The following MICAL2 variants were observed in gnomAD, a reference collection of about 807,000 sequenced individuals.
The protein encoded by MICAL2 is microtubule associated monooxygenase, calponin and LIM domain containing 2, also known as [F-actin]-monooxygenase MICAL2.
In MICAL2, 77 loss-of-function variants were observed where a neutral mutation model predicts 127.3. That is an observed-to-expected ratio of 0.60 (90% confidence interval 0.50 to 0.73). The LOEUF is 0.73. Among genes scored for constraint, MICAL2 ranks in the 30% least tolerant of loss-of-function variants. The pLI is 0.00. For synonymous variants in MICAL2, 570 were observed against 551.1 expected, an observed-to-expected ratio of 1.03 and a Z score of -0.48; for missense variants, 1,351 against 1,434.4, an observed-to-expected ratio of 0.94 and a Z score of 0.94.
intron 3 of MICAL2, among the ~76,000 whole-genome samples, chr11:12,185,745 C>T (rs1487058516): frequency 1.3e-5 from 2 of 152,102 alleles, no homozygotes; most frequent in African/African-American, 2.4e-5. Context: ...GCAATAAAGA[C>T]GTCCAAACCC....
At chr11:12,309,123 A>G (rs970652613) in intron 29 of MICAL2, among the ~76,000 whole-genome samples, 1 of 152,138 alleles carries the variant, frequency 6.6e-6, no homozygotes, top group Non-Finnish European at 1.5e-5. Context: ...GTAATGTGTC[A>G]TGATCAATCA....
At chr11:12,220,680 C>T (rs535854838) in intron 9 of MICAL2, among the ~76,000 whole-genome samples, 8 of 152,210 alleles carry the variant, frequency 5.3e-5, no homozygotes, top group Admixed American at 2.0e-4. Flanking sequence ...TCTCCTATCT[C>T]CTGGCTCTTT....
intron 1 of MICAL2, among the ~76,000 whole-genome samples, chr11:12,114,759 G>A (rs181421650): frequency 4.6e-5 from 7 of 152,318 alleles, no homozygotes; most frequent in South Asian, 4.1e-4. Context: ...TTGCTTACGT[G>A]TGGACGTTTC....
intron 32 of MICAL2, among the ~76,000 whole-genome samples, chr11:12,342,636 T>C (rs1938885227): frequency 6.6e-6 from 1 of 152,250 alleles, no homozygotes; most frequent in African/African-American, 2.4e-5. Context: ...GTGTTTACTA[T>C]GTGCCAAGCA....
chr11:12,155,321 CACGCACATATACACAT>C (rs1210837868), intron 2 of MICAL2, among the ~76,000 whole-genome samples: 3 of 152,150 alleles, frequency 2.0e-5, no homozygotes, highest in African/African-American at 7.2e-5. Context: ...CATACACACA[CACGCACATATACACAT>C]ACATGTACAT....
At chr11:12,147,071 G>A (rs890641831) in intron 2 of MICAL2, among the ~76,000 whole-genome samples, 40 of 151,940 alleles carry the variant, frequency 2.6e-4, no homozygotes, top group African/African-American at 6.8e-4. Context: ...GGGGTGGGGG[G>A]AGCAGGGAAG....
At chr11:12,345,758 A>G (rs1048168226) in intron 32 of MICAL2, among the ~76,000 whole-genome samples, 4 of 152,228 alleles carry the variant, frequency 2.6e-5, no homozygotes, top group Non-Finnish European at 4.4e-5. Flanking sequence ...AGATGCTGCT[A>G]AAAAGACTTC....
chr11:12,213,813 G>A (rs1442495177), intron 7 of MICAL2, among the ~76,000 whole-genome samples: 1 of 152,198 alleles, frequency 6.6e-6, no homozygotes, highest in East Asian at 1.9e-4. Context: ...GGAATGCTAA[G>A]GAGGGAGCCA....
At chr11:12,272,994 G>A (rs1863689062), upstream of MICAL2, among the ~76,000 whole-genome samples, 2 of 152,220 alleles carry the variant, frequency 1.3e-5, no homozygotes, top group Non-Finnish European at 2.9e-5. Context: ...CAGCAGGAAG[G>A]ACTGCAAAGT....
At chr11:12,155,760 T>C (rs1854120268) in intron 2 of MICAL2, among the ~76,000 whole-genome samples, 1 of 152,244 alleles carries the variant, frequency 6.6e-6, no homozygotes, top group Non-Finnish European at 1.5e-5. Context: ...TGAGGATTCC[T>C]TAGGTTAACA....
chr11:12,253,980 C>T (rs1317234320), intron 22 of MICAL2: 5 of 152,350 alleles, frequency 3.3e-5, no homozygotes, highest in Admixed American at 1.3e-4. Context: ...CCTTTAATCA[C>T]AGGGTTGGTT....
At chr11:12,280,577 A>C (rs538169735) in intron 1 of MICAL2, among the ~76,000 whole-genome samples, 4 of 152,156 alleles carry the variant, frequency 2.6e-5, no homozygotes, top group Non-Finnish European at 4.4e-5. Flanking sequence ...TCCTGTTTGC[A>C]TAGTGTTTTC....
chr11:12,221,842 C>A, intron 10 of MICAL2, 83 bp downstream of exon 10: 1 of 1,004,418 alleles, frequency 1.0e-6, no homozygotes, highest in Non-Finnish European at 1.5e-6. Flanking sequence ...CAGGTGACTG[C>A]TGGATATACC....
intron 1 of MICAL2, among the ~76,000 whole-genome samples, chr11:12,111,644 G>A (rs970458880): frequency 7.9e-5 from 12 of 152,242 alleles, no homozygotes; most frequent in Admixed American, 5.9e-4. Flanking sequence ...AAGCCTGTAG[G>A]GCCCCGCCAG....
intron 32 of MICAL2, chr11:12,349,785 T>A: frequency 6.4e-7 from 1 of 1,567,950 alleles, no homozygotes; most frequent in Non-Finnish European, 8.8e-7. Context: ...AGCAGTTTGA[T>A]CATGGGGAGA....
intron 11 of MICAL2, 108 bp from the exon 12 acceptor site, chr11:12,223,303 A>T: frequency 1.1e-6 from 1 of 922,846 alleles, no homozygotes; most frequent in Non-Finnish European, 1.7e-6. Context: ...TCCCAGCAGT[A>T]GAGGAAAATG....
downstream of MICAL2, among the ~76,000 whole-genome samples, chr11:12,290,852 G>A (rs531023328): frequency 2.0e-3 from 308 of 152,308 alleles, 1 homozygote; most frequent in African/African-American, 7.1e-3. Flanking sequence ...TATCGAGAAC[G>A]GTGTGGCCTC....
chr11:12,244,186 CACAA>C, intron 21 of MICAL2, 74 bp downstream of exon 21: 3 of 1,566,138 alleles, frequency 1.9e-6, no homozygotes, highest in Non-Finnish European at 2.6e-6. Flanking sequence ...ACTTGACCTG[CACAA>C]ACATCTTGAG....
chr11:12,278,549 G>A (rs1208263639), intron 1 of MICAL2, among the ~76,000 whole-genome samples: 1 of 152,210 alleles, frequency 6.6e-6, no homozygotes, highest in Non-Finnish European at 1.5e-5. Context: ...AGACATGACT[G>A]TAATTCAAAG....
Sources: allele counts gnomAD v4.1 joint callset (sites outside exome capture counted in the v4.1 genomes callset), GRCh38; gene constraint gnomAD v4.1.1; transcripts MANE v1.5; gene names NCBI Gene and HGNC (gene_info 2026-07-23, HGNC 2026-07-21).